SVIP: variants seen among roughly 807,000 people sequenced by gnomAD.
SVIP encodes small VCP/p97-interacting protein.
SVIP carries 14 observed loss-of-function variants against 12.9 expected under a neutral mutation model. That is an observed-to-expected ratio of 1.08 (90% CI 0.72 to 1.70). The LOEUF (loss-of-function observed/expected upper bound fraction) is 1.70. Ranked by LOEUF, SVIP falls within the 40% of genes most tolerant of loss-of-function variation. The probability of loss-of-function intolerance (pLI) is 0.00; values close to 1 mark genes in which losing one functional copy is unlikely to be tolerated. For missense variants in SVIP, 93 were observed against 90.8 expected (o/e 1.02, Z -0.10); for synonymous variants, 35 against 33.3 (o/e 1.05, Z -0.17).
At position 22,823,094 on chromosome 11, in the gene SVIP, T is replaced by G; in HGVS notation, c.*25A>C. ...GCAGATAATAAACAGTTATTGGCAG[T>G]AGATTCTTCTACTCATGTTATGCTT... On this transcript the variant is annotated 3_prime_UTR_variant, in exon 4 of 4. Coordinates refer to ENST00000354193, the MANE Select transcript of SVIP (RefSeq NM_148893.3). The G allele has an allele frequency of 6.3e-7, 1 of 1,575,606 alleles. No individual in the cohort carries two copies. The highest frequency in any genetic ancestry group is 2.3e-5 in the East Asian group (1 of 44,434).
chr11:22,827,203 T>C lies in SVIP; in HGVS notation c.219+4A>G, dbSNP rs1179126765. ...TTAATCACTAAGAAAATTTTAATAC[T>C]TACCCTAAGTCCACCTTCTGGTGGG... On this transcript the variant is annotated splice_donor_region_variant and intron_variant, in intron 3 of 3. Transcript: ENST00000354193. The C allele has an allele frequency of 1.2e-6, 2 of 1,603,802 alleles. No homozygotes were observed. The highest frequency in any genetic ancestry group is 2.7e-5 in the African/African-American group (2 of 74,570).
At chr11:22,825,166 T>C (rs1251588335) in intron 3 of SVIP, among the ~76,000 whole-genome samples, 2 of 151,926 alleles carry the variant, frequency 1.3e-5, no homozygotes, top group Admixed American at 6.6e-5. Context: ...GGGAAGAGTC[T>C]TCCTAACCTT....
intron 3 of SVIP, among the ~76,000 whole-genome samples, chr11:22,824,873 C>G (rs116413386): frequency 0.013 from 1,932 of 152,198 alleles, 40 homozygotes; most frequent in African/African-American, 0.044. Flanking sequence ...TTTTTGAAAG[C>G]TGCCTATGAA....
intron 3 of SVIP, among the ~76,000 whole-genome samples, chr11:22,825,887 T>C (rs1039556287): frequency 6.6e-6 from 1 of 152,224 alleles, no homozygotes; most frequent in Non-Finnish European, 1.5e-5. Context: ...GATCTCATTA[T>C]TTCCAGTCCT....
At chr11:22,826,482 C>T (rs1373581602) in intron 3 of SVIP, among the ~76,000 whole-genome samples, 1 of 152,098 alleles carries the variant, frequency 6.6e-6, no homozygotes, top group African/African-American at 2.4e-5. Context: ...AAATATACTA[C>T]TATTTACTTT....
intron 3 of SVIP, among the ~76,000 whole-genome samples, chr11:22,823,557 C>G (rs1857556988): frequency 6.6e-6 from 1 of 152,178 alleles, no homozygotes; most frequent in Non-Finnish European, 1.5e-5. Context: ...TTCTAACCCC[C>G]AGGTCATAAA....
chr11:22,827,210 A>C lies in SVIP; in HGVS notation c.216T>G (p.Leu72=). 1 of 1,600,274 alleles carries C rather than the reference A, an allele frequency of 6.2e-7. No homozygotes were observed. The highest frequency in any genetic ancestry group is 8.5e-7 in the Non-Finnish European group (1 of 1,170,632). The change falls in exon 3 of 4, where the codon CTT becomes CTG. Residue 72 remains leucine, a synonymous_variant. Transcript: ENST00000354193. ...ATSGPPPEGG[L]RWTVS is the part of the protein sequence containing the mutation. ...CTAAGAAAATTTTAATACTTACCCT[A>C]AGTCCACCTTCTGGTGGGGGCCCGG...
chr11:22,823,565 A>G (rs1857557363), intron 3 of SVIP, among the ~76,000 whole-genome samples: 1 of 152,158 alleles, frequency 6.6e-6, no homozygotes, highest in African/African-American at 2.4e-5. Flanking sequence ...CCCAGGTCAT[A>G]AAACCCAGGG....
At position 22,822,160 on chromosome 11, in the gene SVIP, G is replaced by T. The variant is rs1333741509; in HGVS notation, c.*959C>A. The T allele has an allele frequency of 2.0e-5, 3 of 152,114 alleles. No homozygotes were observed. The South Asian group carries it at 6.2e-4, about 31-fold the overall frequency. The allele number at this position is 152,114 out of a possible 1,614,324, so 9.4% of individuals were successfully genotyped here. On this transcript the variant is annotated 3_prime_UTR_variant, in exon 4 of 4. Transcript: ENST00000354193. ...CAAAAATGTTAAGGTTTATGACTATGCATTGTATAGAATTACCTAATATTT... is the reference window on the plus strand; with the variant it reads ...CAAAAATGTTAAGGTTTATGACTATTCATTGTATAGAATTACCTAATATTT...
intron 3 of SVIP, among the ~76,000 whole-genome samples, chr11:22,825,989 A>G (rs1365601505): frequency 6.6e-6 from 1 of 152,172 alleles, no homozygotes; most frequent in African/African-American, 2.4e-5. Context: ...CAGAATATTG[A>G]GATATGATAA....
At position 22,821,704 on chromosome 11, in the gene SVIP, C is replaced by G. The variant is rs146234074; in HGVS notation, c.*1415G>C. On this transcript the variant is annotated 3_prime_UTR_variant, in exon 4 of 4. Transcript: ENST00000354193. The stretch of plus-strand genomic sequence containing the variant: ...CAATGATTTCACTACCCTTTATGAA[C>G]AAAAACAGCACGAATCCTCTAAAGA... 51 of 152,156 alleles carry G rather than the reference C, an allele frequency of 3.4e-4. No individual in the cohort carries two copies. Among genetic ancestry groups the G allele is most frequent in the African/African-American group, 1.2e-3 (50 of 41,522 alleles). The allele number at this position is 152,156 out of a possible 1,614,324, so 9.4% of individuals were successfully genotyped here.
chr11:22,827,977 G>T, intron 1 of SVIP, 103 bp from the exon 2 acceptor site: 1 of 853,152 alleles, frequency 1.2e-6, no homozygotes. Flanking sequence ...AAAAATATTC[G>T]GTACTGGCCC....
At position 22,827,888 on chromosome 11, in the gene SVIP, TA is replaced by T; in HGVS notation, c.55-15del. The stretch of plus-strand genomic sequence containing the variant: ...TCTTTTCTCTTCCTAAATAAATGTG[TA>T]AAAATATGTATTAAAATAACAAACA... On this transcript the variant is annotated splice_polypyrimidine_tract_variant and intron_variant, in intron 1 of 3. Transcript: ENST00000354193. 1 of 1,525,532 alleles carries T rather than the reference TA, an allele frequency of 6.6e-7. No individual in the cohort carries two copies. Among genetic ancestry groups the T allele is most frequent in the South Asian group, 1.3e-5 (1 of 79,774 alleles). 94.5% of individuals were successfully genotyped at this position (1,525,532 alleles called of 1,614,324 possible).
Position 22,824,021 on chromosome 11 carries a change from G to C in SVIP, c.220-888C>G, listed in dbSNP as rs1045756653. ...CTCTCACAGCTGAGATTACACGTGT[G>C]AGTGACTGTGCTCAGCCTCTTCATG... On this transcript the variant is annotated intron_variant, in intron 3 of 3. Transcript: ENST00000354193. 4.6e-5 allele frequency among the ~76,000 whole-genome samples: 7 copies of C among 152,276 alleles called. No homozygotes were observed. In the East Asian group the frequency reaches 1.4e-3, roughly 29 times the overall value.
intron 1 of SVIP, among the ~76,000 whole-genome samples, chr11:22,828,862 C>T (rs1253591874): frequency 1.3e-5 from 2 of 152,040 alleles, no homozygotes; most frequent in Non-Finnish European, 2.9e-5. Flanking sequence ...TAATTTTTAG[C>T]TAGAGAAGAG....
intron 1 of SVIP, among the ~76,000 whole-genome samples, chr11:22,828,838 T>G (rs1378902854): frequency 6.6e-6 from 1 of 152,190 alleles, no homozygotes; most frequent in Non-Finnish European, 1.5e-5. Flanking sequence ...CAAAAATACT[T>G]CATTTTCTTC....
chr11:22,829,576 A>T, intron 1 of SVIP, 119 bp downstream of exon 1: 1 of 1,049,340 alleles, frequency 9.5e-7, no homozygotes, highest in Non-Finnish European at 1.4e-6. Context: ...CCTCGCTAGC[A>T]GGGTCCCCCA....
At chr11:22,827,163 A>C in intron 3 of SVIP, 44 bp downstream of exon 3, 1 of 1,464,554 alleles carries the variant, frequency 6.8e-7, no homozygotes, top group Non-Finnish European at 9.5e-7. Flanking sequence ...AAGTTTTTTT[A>C]AAATGCCAGT....
At chr11:22,824,635 AAG>A (rs963750727) in intron 3 of SVIP, among the ~76,000 whole-genome samples, 1 of 151,934 alleles carries the variant, frequency 6.6e-6, no homozygotes, top group African/African-American at 2.4e-5. Flanking sequence ...TTTAGTCTCT[AAG>A]AAGGGGATAT....
Sources: gnomAD v4.1 joint callset for allele counts (sites outside exome capture counted in the v4.1 genomes callset) on GRCh38, gnomAD v4.1.1 for gene constraint, MANE v1.5 for transcripts, NCBI Gene and HGNC (gene_info 2026-07-23, HGNC 2026-07-21) for gene names.